AP1M2: variants seen among roughly 807,000 people sequenced by gnomAD.
The protein encoded by AP1M2 is AP-1 complex subunit mu-2.
AP1M2 carries 41 observed loss-of-function variants against 54.6 expected under a neutral mutation model. That is an observed-to-expected ratio of 0.75 (90% CI 0.59 to 0.97). The LOEUF is 0.97. Among genes scored for constraint, AP1M2 ranks in the 50% least tolerant of loss-of-function variants. The probability of loss-of-function intolerance (pLI) is 0.00; values close to 1 mark genes in which losing one functional copy is unlikely to be tolerated. For synonymous variants in AP1M2, 219 were observed against 215.9 expected (o/e 1.01, Z -0.13); for missense variants, 507 against 561.2 (o/e 0.90, Z 0.98).
At chr19:10,577,177 C>A in intron 9 of AP1M2, 21 bp downstream of exon 9, 1 of 1,600,134 alleles carries the variant, frequency 6.2e-7, no homozygotes. Context: ...CCCAGATCCC[C>A]CGCCAGTCCC....
intron 3 of AP1M2, 84 bp from the exon 4 acceptor site, chr19:10,581,962 G>A: frequency 7.0e-7 from 1 of 1,426,162 alleles, no homozygotes; most frequent in Non-Finnish European, 9.3e-7. Flanking sequence ...CCAGCACCTT[G>A]GGAGGCCAAG....
At position 10,587,213 on chromosome 19, in the gene AP1M2, AGACAGCC is replaced by A; in HGVS notation, c.12_18del (p.Ala5SerfsTer10). On this transcript the variant is annotated frameshift_variant, in exon 1 of 12. Transcript: ENST00000250244. LOFTEE classifies it high-confidence loss of function. ...ACCTTGCCCTTAACGTCCAGAATGA[AGACAGCC>A]GAGGCGGACATGGTGGCGGCCGAAG... 1 of 1,562,808 alleles carries A rather than the reference AGACAGCC, an allele frequency of 6.4e-7. No individual in the cohort carries two copies. Among genetic ancestry groups the A allele is most frequent in the Non-Finnish European group, 8.7e-7 (1 of 1,153,598 alleles).
At position 10,583,861 on chromosome 19, in the gene AP1M2, C is replaced by T. The variant is rs144957515; in HGVS notation, c.199+53G>A. The T allele has an allele frequency of 1.2e-3, 1,790 of 1,550,272 alleles. 23 individuals carry two copies. The African/African-American group carries it at 0.021, about 18-fold the overall frequency. The stretch of plus-strand genomic sequence containing the variant: ...ACCCTCTCTTGGCCTGAGCTGCCAC[C>T]ATCGCCGACAGCCCCCACACCCACC... On this transcript the variant is annotated intron_variant, in intron 2 of 11. Transcript: ENST00000250244.
rs1273604615 is a variant in AP1M2 at position 10,572,870 on chromosome 19, G to A, written c.*196C>T. ...GATGGGGAAAGCTCCAAGGGCGAGG[G>A]AAGCAGAGAGAGTTTCTCTCCCAGC... On this transcript the variant is annotated 3_prime_UTR_variant, in exon 12 of 12. Coordinates refer to ENST00000250244, the MANE Select transcript of AP1M2 (RefSeq NM_005498.5). The A allele has an allele frequency of 1.1e-5, 6 of 530,840 alleles. No homozygotes were observed. The highest frequency in any genetic ancestry group is 1.7e-5 in the Non-Finnish European group (5 of 296,578). 32.9% of individuals were successfully genotyped at this position (530,840 alleles called of 1,614,324 possible). A position where few individuals can be genotyped will look rare whatever the true frequency, so the allele number is the denominator to read the frequency against.
rs1322174308 is a variant in AP1M2 at position 10,578,968 on chromosome 19, G to A, written c.817-5C>T. ...AATCCAGATCAGTGGCTTGACCTGT[G>A]GGAAGAAGAAGGGGAGAGTTCTTGG... is the stretch of plus-strand genomic sequence containing the variant. On this transcript the variant is annotated splice_region_variant and splice_polypyrimidine_tract_variant and intron_variant, in intron 7 of 11. Transcript: ENST00000250244. 5 of 1,597,492 alleles carry A rather than the reference G, an allele frequency of 3.1e-6. No homozygotes were observed. The highest frequency in any genetic ancestry group is 3.4e-6 in the Non-Finnish European group (4 of 1,171,666).
chr19:10,585,147 C>T (rs1022219759), intron 1 of AP1M2: 1 of 149,594 alleles, frequency 6.7e-6, no homozygotes, highest in African/African-American at 2.5e-5. Flanking sequence ...CCTAGGAGGT[C>T]GAGACTACAG....
At chr19:10,577,589 A>G (rs1185783120) in intron 8 of AP1M2, among the ~76,000 whole-genome samples, 1 of 151,186 alleles carries the variant, frequency 6.6e-6, no homozygotes, top group African/African-American at 2.4e-5. Flanking sequence ...ACCCGCCAGC[A>G]CGCCCAGCTA....
chr19:10,585,417 G>C (rs1320713553), intron 1 of AP1M2, among the ~76,000 whole-genome samples: 1 of 152,180 alleles, frequency 6.6e-6, no homozygotes, highest in Non-Finnish European at 1.5e-5. Context: ...AAACACTTCT[G>C]TCTGGACACG....
In AP1M2 at chr19:10,581,302, C is replaced by A. The variant is rs770883988; in HGVS notation, c.637G>T (p.Gly213Cys). Residue 213 changes from glycine to cysteine, a missense_variant, in exon 6 of 12, where the codon GGC becomes TGC. Physicochemically the swap from Gly to Cys is radical, Grantham distance 159 (BLOSUM62 -3). Transcript: ENST00000250244. The stretch of plus-strand genomic sequence containing the variant: ...TCGAAGAGCACGCGGTCATTGAGGC[C>A]CAGCCGCAGCTCTGGCATTCCTGAC... Reference protein sequence around the residue: ...FLSGMPELRLGLNDRVLFELT... With the variant: ...FLSGMPELRLCLNDRVLFELT... The A allele has an allele frequency of 1.2e-6, 2 of 1,613,832 alleles. No homozygotes were observed. The highest frequency in any genetic ancestry group is 1.7e-6 in the Non-Finnish European group (2 of 1,179,754).
chr19:10,584,920 A>C (rs1386001298), intron 1 of AP1M2: 2 of 150,830 alleles, frequency 1.3e-5, no homozygotes, highest in Non-Finnish European at 3.0e-5. Flanking sequence ...TTAAAAAAAC[A>C]ACAACAACAA....
rs543197916 is a variant in AP1M2, at chr19:10,572,937, A to G, written c.*129T>C. 35 of 912,654 alleles carry G rather than the reference A, an allele frequency of 3.8e-5. No homozygotes were observed. The South Asian group carries it at 5.2e-4, about 13-fold the overall frequency. 56.5% of individuals were successfully genotyped at this position (912,654 alleles called of 1,614,324 possible). A position where few individuals can be genotyped will look rare whatever the true frequency, so the allele number is the denominator to read the frequency against. On this transcript the variant is annotated 3_prime_UTR_variant, in exon 12 of 12. Coordinates refer to ENST00000250244, the MANE Select transcript of AP1M2 (RefSeq NM_005498.5). ...AGGTGAGGAAGGGGCGGGTGCTGGG[A>G]GCAAGAAACTGCCAAGTCCAGGACC... is the stretch of plus-strand genomic sequence containing the variant.
chr19:10,575,923 G>A (rs927427211), intron 9 of AP1M2, among the ~76,000 whole-genome samples: 4 of 137,722 alleles, frequency 2.9e-5, no homozygotes, highest in Non-Finnish European at 6.1e-5. Context: ...CCGCCACCAC[G>A]CCCAGCTAAT....
intron 9 of AP1M2, among the ~76,000 whole-genome samples, chr19:10,576,093 G>GTT (rs35332266): frequency 1.0e-3 from 135 of 135,118 alleles, no homozygotes; most frequent in Admixed American, 1.4e-3. Flanking sequence ...TTTTTTCTAA[G>GTT]TTTTTTTTTT....
chr19:10,582,892 C>A (rs1363921349), intron 3 of AP1M2, among the ~76,000 whole-genome samples: 20 of 145,438 alleles, frequency 1.4e-4, no homozygotes, highest in Admixed American at 1.3e-3. Flanking sequence ...GTGGCGAGAT[C>A]TTGGCTCACC....
intron 6 of AP1M2, 96 bp downstream of exon 6, chr19:10,581,170 T>C: frequency 6.7e-7 from 1 of 1,496,558 alleles, no homozygotes; most frequent in South Asian, 1.3e-5. Context: ...CGAGCGCTTA[T>C]TTCAAAACGG....
intron 8 of AP1M2, among the ~76,000 whole-genome samples, chr19:10,577,652 T>G (rs1422275097): frequency 2.0e-5 from 3 of 151,090 alleles, no homozygotes; most frequent in Middle Eastern, 3.2e-3. Flanking sequence ...AGCCAGGATG[T>G]TCTCGATCTC....
chr19:10,580,129 G>A (rs144892110), intron 6 of AP1M2, among the ~76,000 whole-genome samples: 3,541 of 133,750 alleles, frequency 0.026, 67 homozygotes, highest in Non-Finnish European at 0.039. Context: ...TTGGCTCACC[G>A]CAACCTCCAC....
intron 9 of AP1M2, 23 bp downstream of exon 9, chr19:10,577,175 C>T (rs1917262247): frequency 1.3e-6 from 2 of 1,597,684 alleles, no homozygotes; most frequent in Non-Finnish European, 1.7e-6. Context: ...CCCCCAGATC[C>T]CCCGCCAGTC....
intron 11 of AP1M2, among the ~76,000 whole-genome samples, chr19:10,574,044 T>C (rs1261645058): frequency 6.6e-6 from 1 of 151,996 alleles, no homozygotes; most frequent in African/African-American, 2.4e-5. Flanking sequence ...TTTCATTTTT[T>C]GAGACAGGGT....
Sources: allele counts gnomAD v4.1 joint callset (sites outside exome capture counted in the v4.1 genomes callset), GRCh38; gene constraint gnomAD v4.1.1; transcripts MANE v1.5; gene names NCBI Gene and HGNC (gene_info 2026-07-23, HGNC 2026-07-21).